Variants in PAH observed in about 807,000 individuals in gnomAD.
The protein encoded by PAH is phenylalanine-4-hydroxylase.
A neutral mutation model predicts 62.0 loss-of-function variants in PAH; 64 were observed. The ratio of observed to expected loss-of-function variants is 1.03; its 90% CI spans 0.84 to 1.27. PAH has a LOEUF of 1.27. Ranked by LOEUF, PAH falls within the 50% of genes most tolerant of loss-of-function variation. The pLI is 0.00. For synonymous variants in PAH, 195 were observed against 196.2 expected, an observed-to-expected ratio of 0.99 and a Z score of 0.05; for missense variants, 579 against 542.8, an observed-to-expected ratio of 1.07 and a Z score of -0.66.
At chr12:102,917,011 A>G in intron 1 of PAH, 60 bp downstream of exon 1, 1 of 1,480,428 alleles carries the variant, frequency 6.8e-7, no homozygotes, top group East Asian at 2.3e-5. Flanking sequence ...CAGTCTTCGG[A>G]TCTCTTTCTC....
intron 2 of PAH, among the ~76,000 whole-genome samples, chr12:102,911,008 C>A (rs1047847874): frequency 6.6e-6 from 1 of 152,172 alleles, no homozygotes; most frequent in Non-Finnish European, 1.5e-5. Flanking sequence ...GGCAAGCTTC[C>A]TTTCCATTCT....
chr12:102,885,479 G>A (rs80355850), intron 3 of PAH, among the ~76,000 whole-genome samples: 15,150 of 152,266 alleles, frequency 0.099, 953 homozygotes, highest in East Asian at 0.14. Context: ...GACTTGGGCA[G>A]GCTGGGGCAA....
chr12:102,885,127 C>T (rs981764343), intron 3 of PAH, among the ~76,000 whole-genome samples: 8 of 152,198 alleles, frequency 5.3e-5, no homozygotes, highest in African/African-American at 1.9e-4. Flanking sequence ...GGAAGCGTGA[C>T]AAACTAAGGC....
chr12:102,929,376 A>T (rs902281885), intron 1 of PAH, among the ~76,000 whole-genome samples: 2 of 152,156 alleles, frequency 1.3e-5, no homozygotes, highest in African/African-American at 4.8e-5. Flanking sequence ...GCAAAGTAGA[A>T]ATATCTAGAT....
intron 3 of PAH, among the ~76,000 whole-genome samples, chr12:102,893,549 CA>C (rs1303371826): frequency 2.0e-5 from 3 of 152,188 alleles, no homozygotes; most frequent in Admixed American, 6.5e-5. Flanking sequence ...CACATGCTAT[CA>C]TTTGTCCAGC....
intron 2 of PAH, among the ~76,000 whole-genome samples, chr12:102,901,206 T>TATC (rs1425679504): frequency 6.6e-6 from 1 of 152,098 alleles, no homozygotes; most frequent in Non-Finnish European, 1.5e-5. Context: ...GGGCGCCCCG[T>TATC]CTCCTCCTCC....
At chr12:102,896,220 A>G (rs1877497579) in intron 2 of PAH, among the ~76,000 whole-genome samples, 1 of 152,192 alleles carries the variant, frequency 6.6e-6, no homozygotes. Context: ...ATTTATGTAC[A>G]GTCCTAAAGG....
At chr12:102,911,631 G>A (rs4646986) in intron 2 of PAH, among the ~76,000 whole-genome samples, 59,275 of 151,966 alleles carry the variant, frequency 0.39, 13,013 homozygotes, top group African/African-American at 0.59. Flanking sequence ...CTCCCCAGCT[G>A]CTCAGAATAT....
rs377334329 is a variant in PAH, at chr12:102,860,385, A to G, written c.510-5053T>C. Reference sequence around the variant, plus strand: ...CCATGCTCATGGACAGGAAGAATCAATGTCGTGAAAATGGCCATACTGCCC... The same window carrying G: ...CCATGCTCATGGACAGGAAGAATCAGTGTCGTGAAAATGGCCATACTGCCC... On this transcript the variant is annotated intron_variant, in intron 5 of 12. Coordinates refer to ENST00000553106, the MANE Select transcript of PAH (RefSeq NM_000277.3). 5.9e-5 allele frequency among the ~76,000 whole-genome samples: 9 copies of G among 152,352 alleles called. No individual in the cohort carries two copies. The South Asian group carries it at 1.2e-3, about 21-fold the overall frequency.
At chr12:102,862,946 G>GA (rs35122890) in intron 5 of PAH, among the ~76,000 whole-genome samples, 55,411 of 147,372 alleles carry the variant, frequency 0.38, 10,625 homozygotes, top group Non-Finnish European at 0.43. Context: ...CAATGATGGT[G>GA]AAAAAAAAAA....
At chr12:102,875,263 A>G (rs1251809683) in intron 4 of PAH, among the ~76,000 whole-genome samples, 2 of 152,164 alleles carry the variant, frequency 1.3e-5, no homozygotes, top group African/African-American at 4.8e-5. Flanking sequence ...CATTCCAGAG[A>G]GTTTTAAAGC....
intron 3 of PAH, among the ~76,000 whole-genome samples, chr12:102,881,083 G>A (rs925309452): frequency 3.3e-5 from 5 of 150,464 alleles, no homozygotes; most frequent in African/African-American, 9.7e-5. Flanking sequence ...TTGTTGTCTC[G>A]GCTCACTGCA....
intron 1 of PAH, among the ~76,000 whole-genome samples, chr12:102,944,779 G>T (rs553000205): frequency 6.1e-4 from 93 of 152,244 alleles, no homozygotes; most frequent in African/African-American, 2.1e-3. Flanking sequence ...ATTTGGTGAG[G>T]TCGTGTTTTT....
rs1052795475 is a variant in PAH, at chr12:102,876,659, C to T, written c.441+803G>A. On this transcript the variant is annotated intron_variant, in intron 4 of 12. Transcript: ENST00000553106. Reference sequence around the variant, plus strand: ...AGAGAATAAAGGGCAGGCAACAGGACGGTGGCCCTTCCCACCGATGGAGGC... The same window carrying T: ...AGAGAATAAAGGGCAGGCAACAGGATGGTGGCCCTTCCCACCGATGGAGGC... Among the ~76,000 whole-genome samples, 40 of 152,286 alleles carry T rather than the reference C, an allele frequency of 2.6e-4. 1 individual carries two copies. The highest frequency in any genetic ancestry group is 2.2e-4 in the African/African-American group (9 of 41,566).
intron 1 of PAH, among the ~76,000 whole-genome samples, chr12:102,925,514 G>A (rs758862902): frequency 6.6e-6 from 1 of 152,120 alleles, no homozygotes; most frequent in Non-Finnish European, 1.5e-5. Context: ...CAATCTAAGA[G>A]ACACGGATTG....
Position 102,837,753 on chromosome 12 carries a change from A to T in PAH, c.*1422T>A, listed in dbSNP as rs1056005177. On this transcript the variant is annotated 3_prime_UTR_variant, in exon 13 of 13. Transcript: ENST00000553106. ...GTTAGAGTGACACTGAGGTCTAAAG[A>T]AGGGAAACAGCTTATCCACATTGAC... 2 of 152,208 alleles carry T rather than the reference A, an allele frequency of 1.3e-5. No homozygotes were observed. Among genetic ancestry groups the T allele is most frequent in the African/African-American group, 4.8e-5 (2 of 41,456 alleles). 9.4% of individuals were successfully genotyped at this position (152,208 alleles called of 1,614,324 possible).
chr12:102,908,191 G>A (rs919896867), intron 2 of PAH, among the ~76,000 whole-genome samples: 3 of 150,080 alleles, frequency 2.0e-5, no homozygotes, highest in African/African-American at 7.4e-5. Flanking sequence ...ACATGCATGC[G>A]CCCCCCTCCC....
chr12:102,847,097 C>T (rs1272057165), intron 8 of PAH, 146 bp from the exon 9 acceptor site: 2 of 704,446 alleles, frequency 2.8e-6, no homozygotes, highest in Non-Finnish European at 5.2e-6. Context: ...CAAGTCTTTC[C>T]TGCCCATATG....
chr12:102,924,230 A>G (rs1878627205), intron 1 of PAH, among the ~76,000 whole-genome samples: 2 of 152,206 alleles, frequency 1.3e-5, no homozygotes, highest in Non-Finnish European at 2.9e-5. Context: ...TGAGTATTGA[A>G]TCTAATGCTG....
Sources: gnomAD v4.1 joint callset for allele counts (sites outside exome capture counted in the v4.1 genomes callset) on GRCh38, gnomAD v4.1.1 for gene constraint, MANE v1.5 for transcripts, NCBI Gene and HGNC (gene_info 2026-07-23, HGNC 2026-07-21) for gene names.